ARHGAP32: variants seen among roughly 807,000 people sequenced by gnomAD.
ARHGAP32 encodes rho GTPase-activating protein 32.
A neutral mutation model predicts 186.5 loss-of-function variants in ARHGAP32; 51 were observed. The observed-to-expected ratio is 0.27, with a 90% CI of 0.22 to 0.35. ARHGAP32 has a LOEUF of 0.35. ARHGAP32 is among the 10% of genes least tolerant of loss of function. The probability of loss-of-function intolerance (pLI) is 1.00; values close to 1 mark genes in which losing one functional copy is unlikely to be tolerated. For synonymous variants in ARHGAP32, 950 were observed against 964.3 expected (o/e 0.99, Z 0.27); for missense variants, 2,186 against 2,623.5 (o/e 0.83, Z 3.64).
intron 2 of ARHGAP32, among the ~76,000 whole-genome samples, chr11:129,135,844 A>T (rs1942925867): frequency 6.6e-6 from 1 of 152,140 alleles, no homozygotes. Flanking sequence ...TAGTTCACAG[A>T]CCCAAACATA....
At chr11:129,103,798 A>G (rs1941972300) in intron 5 of ARHGAP32, among the ~76,000 whole-genome samples, 1 of 152,106 alleles carries the variant, frequency 6.6e-6, no homozygotes, top group African/African-American at 2.4e-5. Flanking sequence ...GCCAATAACC[A>G]TCAGAAATTA....
At position 129,177,489 on chromosome 11, in the gene ARHGAP32, G is replaced by C. The variant is rs1943945348; in HGVS notation, c.117-13062C>G. ...GCCGGGCAGAGACACAACCAAAAAA[G>C]AGAATTTTAGACCAATATCCTTGAT... is the stretch of plus-strand genomic sequence containing the variant. On this transcript the variant is annotated intron_variant, in intron 1 of 22. Transcript: ENST00000682385. Among the ~76,000 whole-genome samples, 5 of 152,274 alleles carry C rather than the reference G, an allele frequency of 3.3e-5. No homozygotes were observed. The South Asian group carries it at 8.3e-4, about 25-fold the overall frequency.
intron 2 of ARHGAP32, among the ~76,000 whole-genome samples, chr11:129,135,313 C>T (rs557054849): frequency 1.3e-5 from 2 of 152,290 alleles, no homozygotes; most frequent in Admixed American, 1.3e-4. Flanking sequence ...GGTATCTGGT[C>T]TAAGTCTAGA....
At chr11:129,238,605 TGGTGG>T (rs1944968234) in intron 1 of ARHGAP32, among the ~76,000 whole-genome samples, 1 of 152,124 alleles carries the variant, frequency 6.6e-6, no homozygotes, top group Non-Finnish European at 1.5e-5. Context: ...AAATTGGGTG[TGGTGG>T]CACGCACCTG....
chr11:129,060,135 C>T (rs903903749), intron 10 of ARHGAP32, among the ~76,000 whole-genome samples: 4 of 152,206 alleles, frequency 2.6e-5, no homozygotes, highest in South Asian at 2.1e-4. Flanking sequence ...TAATTGTGTG[C>T]GTCTCAACAA....
At chr11:129,022,829 TA>T (rs1326359783) in intron 11 of ARHGAP32, among the ~76,000 whole-genome samples, 1 of 152,190 alleles carries the variant, frequency 6.6e-6, no homozygotes, top group Non-Finnish European at 1.5e-5. Context: ...CTTCCTGCTC[TA>T]ATTTTCTTAA....
At chr11:129,017,149 T>A (rs1938383549) in intron 11 of ARHGAP32, among the ~76,000 whole-genome samples, 1 of 152,168 alleles carries the variant, frequency 6.6e-6, no homozygotes, top group African/African-American at 2.4e-5. Flanking sequence ...CAGTATTTCA[T>A]TTTCCTCATC....
chr11:129,068,824 C>T (rs1481017421), intron 6 of ARHGAP32, among the ~76,000 whole-genome samples: 1 of 151,950 alleles, frequency 6.6e-6, no homozygotes, highest in African/African-American at 2.4e-5. Context: ...TATTGTAAAA[C>T]ACTTTATCCA....
chr11:129,243,473 GAAT>G lies in ARHGAP32; in HGVS notation c.-5+35670_-5+35672del, dbSNP rs1474308028. Among the ~76,000 whole-genome samples the G allele has an allele frequency of 9.9e-5, 15 of 152,206 alleles. No individual in the cohort carries two copies. The East Asian group carries it at 2.3e-3, about 23-fold the overall frequency. On this transcript the variant is annotated intron_variant, in intron 1 of 6. Transcript: ENST00000525234. ...GAACAGGTAAGCAACAAATGTTTCT[GAAT>G]AATAAGTGGAAAAAAATAGTCTTCC... is the stretch of plus-strand genomic sequence containing the variant.
chr11:129,027,186 C>G (rs1020406986), intron 11 of ARHGAP32, among the ~76,000 whole-genome samples: 1 of 152,046 alleles, frequency 6.6e-6, no homozygotes, highest in East Asian at 1.9e-4. Flanking sequence ...AAAATATATC[C>G]AGAAGCAGAT....
intron 2 of ARHGAP32, among the ~76,000 whole-genome samples, chr11:129,147,097 C>T (rs990822510): frequency 1.3e-5 from 2 of 152,160 alleles, no homozygotes; most frequent in East Asian, 1.9e-4. Flanking sequence ...TGCAACCTAG[C>T]ATTGCACTTA....
chr11:128,974,092 T>C, intron 21 of ARHGAP32, 32 bp downstream of exon 21: 1 of 1,606,174 alleles, frequency 6.2e-7, no homozygotes, highest in Non-Finnish European at 8.5e-7. Context: ...CCCTCTTAAC[T>C]TAAAGAAAGA....
intron 12 of ARHGAP32, among the ~76,000 whole-genome samples, chr11:128,989,237 C>G (rs1317895394): frequency 6.6e-6 from 1 of 151,806 alleles, no homozygotes; most frequent in South Asian, 2.1e-4. Context: ...AAAACTTAAC[C>G]TCATCTTTGA....
intron 1 of ARHGAP32, among the ~76,000 whole-genome samples, chr11:129,254,812 T>C (rs1299390112): frequency 6.6e-6 from 1 of 152,158 alleles, no homozygotes; most frequent in African/African-American, 2.4e-5. Context: ...GATATTTTAC[T>C]ACTGAACACT....
intron 1 of ARHGAP32, among the ~76,000 whole-genome samples, chr11:129,241,224 T>C (rs1945013194): frequency 2.0e-5 from 3 of 152,210 alleles, no homozygotes; most frequent in Admixed American, 6.5e-5. Context: ...ATATTTTAAT[T>C]AAAGGACATA....
intron 2 of ARHGAP32, among the ~76,000 whole-genome samples, chr11:129,147,532 T>C (rs937096517): frequency 3.3e-5 from 5 of 152,308 alleles, no homozygotes; most frequent in African/African-American, 9.6e-5. Flanking sequence ...GTATGGGATT[T>C]TGTTTGTCTT....
rs58479028 is a variant in ARHGAP32 at position 129,058,188 on chromosome 11, T to TAC, written c.963+4090_963+4091dup. On this transcript the variant is annotated intron_variant, in intron 10 of 22. Transcript: ENST00000682385. ...ATGCCCAATAACAGAAAAAAAAATA[T>TAC]ACACACACACACACACACACACACA... Among the ~76,000 whole-genome samples the TAC allele has an allele frequency of 7.5e-3, 1,000 of 133,902 alleles. 6 individuals carry two copies. The highest frequency in any genetic ancestry group is 0.016 in the South Asian group (68 of 4,138). The allele number at this position is 133,902 out of a possible 152,430, so 87.8% of individuals were successfully genotyped here.
chr11:129,030,584 AG>A (rs886897022), intron 11 of ARHGAP32: 2 of 152,148 alleles, frequency 1.3e-5, no homozygotes, highest in African/African-American at 2.4e-5. Flanking sequence ...GAAAAAAAAA[AG>A]GTCTCAGCTT....
rs150392402 is a variant in ARHGAP32 at position 129,074,965 on chromosome 11, G to A, written c.532-8097C>T. On this transcript the variant is annotated intron_variant, in intron 6 of 22. Coordinates refer to ENST00000682385, the MANE Select transcript of ARHGAP32 (RefSeq NM_001378024.1). ...ATGTAACTCAGCTGCAGTCATCATC[G>A]CACAACGCATACACATATCAAAATA... is the stretch of plus-strand genomic sequence containing the variant. Among the ~76,000 whole-genome samples the A allele has an allele frequency of 2.2e-4, 34 of 152,082 alleles. No homozygotes were observed. In the East Asian group the frequency reaches 5.8e-3, roughly 26 times the overall value.
Sources: gnomAD v4.1 joint callset for allele counts (sites outside exome capture counted in the v4.1 genomes callset) on GRCh38, gnomAD v4.1.1 for gene constraint, MANE v1.5 for transcripts, NCBI Gene and HGNC (gene_info 2026-07-23, HGNC 2026-07-21) for gene names.